The following IL1RAPL1 variants were observed in gnomAD, a reference collection of about 807,000 sequenced individuals.
IL1RAPL1 encodes interleukin 1 receptor accessory protein like 1, also known as interleukin-1 receptor accessory protein-like 1.
IL1RAPL1 carries 3 observed loss-of-function variants against 48.4 expected under a neutral mutation model. That is an observed-to-expected ratio of 0.06 (90% CI 0.03 to 0.16). IL1RAPL1 has a LOEUF of 0.16. Among genes scored for constraint, IL1RAPL1 ranks in the 10% least tolerant of loss-of-function variants. The pLI is 1.00. For missense variants in IL1RAPL1, 349 were observed against 530.6 expected (o/e 0.66, Z 3.36); for synonymous variants, 185 against 187.7 (o/e 0.99, Z 0.12).
At chrX:29,338,745 T>C (rs1185703800) in intron 3 of IL1RAPL1, among the ~76,000 whole-genome samples, 1 of 111,062 alleles carries the variant, frequency 9.0e-6, no homozygotes, top group Admixed American at 9.6e-5. Context: ...ATTTCTTAAC[T>C]GTTCATTTCT....
chrX:28,907,029 G>T lies in IL1RAPL1; in HGVS notation c.82+117604G>T, dbSNP rs999529313. Among the ~76,000 whole-genome samples, 7 of 110,730 alleles carry T rather than the reference G, an allele frequency of 6.3e-5. No individual in the cohort carries two copies. In the Admixed American group the frequency reaches 6.7e-4, roughly 11 times the overall value. ...ATGATACTCTGAGGAAAAGTAACCAGGTTTTTTTTTTAACCATTAAGTGTG... is the reference window on the plus strand; with the variant it reads ...ATGATACTCTGAGGAAAAGTAACCATGTTTTTTTTTTAACCATTAAGTGTG... On this transcript the variant is annotated intron_variant, in intron 2 of 10. Transcript: ENST00000378993.
At chrX:29,500,762 G>A (rs1053825955) in intron 5 of IL1RAPL1, among the ~76,000 whole-genome samples, 7 of 111,685 alleles carry the variant, frequency 6.3e-5, no homozygotes, top group Non-Finnish European at 1.1e-4. Context: ...GTTTTGAATA[G>A]TGCTGCAATA....
At chrX:29,851,896 A>G (rs6418616) in intron 6 of IL1RAPL1, among the ~76,000 whole-genome samples, 21,106 of 112,200 alleles carry the variant, frequency 0.19, 3,617 homozygotes, top group African/African-American at 0.54. Flanking sequence ...TAACAAATAT[A>G]TATAGATTGC....
chrX:29,124,122 T>C (rs751039706), intron 2 of IL1RAPL1, among the ~76,000 whole-genome samples: 8 of 111,708 alleles, frequency 7.2e-5, no homozygotes, highest in Non-Finnish European at 1.5e-4. Flanking sequence ...AAGTTAATGG[T>C]AAAACTGCAC....
At chrX:29,658,071 C>T (rs1925738667) in intron 5 of IL1RAPL1, among the ~76,000 whole-genome samples, 1 of 111,958 alleles carries the variant, frequency 8.9e-6, no homozygotes, top group Admixed American at 9.5e-5. Flanking sequence ...ATCCTCACAA[C>T]ATTTATGCAA....
chrX:29,263,881 G>A (rs1163401504), intron 2 of IL1RAPL1, among the ~76,000 whole-genome samples: 1 of 92,260 alleles, frequency 1.1e-5, no homozygotes, highest in Admixed American at 1.4e-4. Context: ...CGCTCTCATA[G>A]AGCAATGTTA....
At chrX:29,482,406 T>C (rs557523354) in intron 5 of IL1RAPL1, among the ~76,000 whole-genome samples, 6 of 112,089 alleles carry the variant, frequency 5.4e-5, no homozygotes, top group African/African-American at 1.9e-4. Flanking sequence ...TTACTAATCA[T>C]GGGGTTGTTA....
At chrX:29,507,916 G>A (rs1052983006) in intron 5 of IL1RAPL1, among the ~76,000 whole-genome samples, 1 of 111,176 alleles carries the variant, frequency 9.0e-6, no homozygotes, top group African/African-American at 3.3e-5. Context: ...AGCTTTTGTG[G>A]TAGAAACCAC....
chrX:28,759,786 A>G (rs897184623), intron 1 of IL1RAPL1, among the ~76,000 whole-genome samples: 1 of 111,927 alleles, frequency 8.9e-6, no homozygotes, highest in Non-Finnish European at 1.9e-5. Flanking sequence ...GAGATGCTTG[A>G]GTATGGAAGG....
At chrX:28,894,222 C>T (rs1352022817) in intron 2 of IL1RAPL1, among the ~76,000 whole-genome samples, 3 of 112,024 alleles carry the variant, frequency 2.7e-5, no homozygotes, top group East Asian at 5.6e-4. Flanking sequence ...TGCAAGAGTG[C>T]GGGCTTGACT....
At chrX:29,301,702 C>G (rs1403726776) in intron 3 of IL1RAPL1, among the ~76,000 whole-genome samples, 1 of 111,468 alleles carries the variant, frequency 9.0e-6, no homozygotes, top group Non-Finnish European at 1.9e-5. Flanking sequence ...AGACAAGACA[C>G]AAATTGGCCT....
At chrX:29,745,325 G>A (rs1409239319) in intron 6 of IL1RAPL1, among the ~76,000 whole-genome samples, 3 of 108,448 alleles carry the variant, frequency 2.8e-5, no homozygotes, top group African/African-American at 1.0e-4. Context: ...GTTTAGAAGT[G>A]TCTCAAGAGT....
chrX:29,076,802 G>GTCTGTCTA (rs568595100), intron 2 of IL1RAPL1, among the ~76,000 whole-genome samples: 66 of 97,272 alleles, frequency 6.8e-4, no homozygotes, highest in Non-Finnish European at 1.1e-3. Flanking sequence ...CTGTCTGTCT[G>GTCTGTCTA]TCTATCTATC....
intron 1 of IL1RAPL1, among the ~76,000 whole-genome samples, chrX:28,719,431 A>G (rs1295441387): frequency 9.0e-6 from 1 of 111,190 alleles, no homozygotes; most frequent in Non-Finnish European, 1.9e-5. Flanking sequence ...TATTGGGCAT[A>G]GGTTTCAAGT....
chrX:29,644,500 C>G (rs1925262838), intron 5 of IL1RAPL1, among the ~76,000 whole-genome samples: 1 of 111,335 alleles, frequency 9.0e-6, no homozygotes, highest in South Asian at 3.8e-4. Flanking sequence ...TCACCCATAT[C>G]CAGGACTACA....
At chrX:29,815,424 G>T (rs1930471214) in intron 6 of IL1RAPL1, among the ~76,000 whole-genome samples, 1 of 111,507 alleles carries the variant, frequency 9.0e-6, no homozygotes, top group Non-Finnish European at 1.9e-5. Flanking sequence ...TTTATATATT[G>T]ATTTTGTATC....
chrX:29,570,370 A>G (rs1922554286), intron 5 of IL1RAPL1, among the ~76,000 whole-genome samples: 1 of 112,580 alleles, frequency 8.9e-6, no homozygotes, highest in Admixed American at 9.4e-5. Flanking sequence ...TTTTATTTTA[A>G]TACCAATAGA....
intron 5 of IL1RAPL1, among the ~76,000 whole-genome samples, chrX:29,525,360 A>G (rs1935542385): frequency 8.9e-6 from 1 of 112,154 alleles, no homozygotes; most frequent in African/African-American, 3.2e-5. Context: ...CTGAGCTATG[A>G]TATTTGAAGG....
rs756426427 is a variant in IL1RAPL1 at position 29,920,065 on chromosome X, G to A, written c.1028G>A (p.Arg343Gln). The part of the protein sequence containing the change: ...SCYVENGNGR[R>Q]HASVLLHKRE... ...TATGTTGAAAATGGAAATGGACGTC[G>A]ACACGCCAGCGTTCTCCTTCATAAA... Residue 343 changes from arginine to glutamine, a missense_variant, in exon 8 of 11, where the codon CGA becomes CAA. Arg to Gln is a conservative substitution (Grantham distance 43). Transcript: ENST00000378993. 7.4e-6 allele frequency: 9 copies of A among 1,211,460 alleles called. No individual in the cohort carries two copies. The South Asian group carries it at 8.8e-5, about 12-fold the overall frequency.
Sources: gnomAD v4.1 joint callset for allele counts (sites outside exome capture counted in the v4.1 genomes callset) on GRCh38, gnomAD v4.1.1 for gene constraint, MANE v1.5 for transcripts, NCBI Gene and HGNC (gene_info 2026-07-23, HGNC 2026-07-21) for gene names.